Variants in FXR2 observed in about 807,000 individuals in gnomAD.
FXR2 encodes FMR1 autosomal homolog 2, also known as RNA-binding protein FXR2.
A neutral mutation model predicts 87.3 loss-of-function variants in FXR2; 9 were observed. The observed-to-expected ratio is 0.10, with a 90% CI of 0.06 to 0.18. The LOEUF is 0.18. FXR2 is among the 10% of genes least tolerant of loss of function. FXR2 has a pLI of 1.00. For synonymous variants in FXR2, 331 were observed against 328.3 expected (o/e 1.01, Z -0.09); for missense variants, 661 against 893.6 (o/e 0.74, Z 3.32).
In FXR2 at chr17:7,593,537, C is replaced by T. The variant is rs1414507495; in HGVS notation, c.1196G>A (p.Arg399Gln). 2.5e-6 allele frequency: 4 copies of T among 1,593,422 alleles called. No homozygotes were observed. Among genetic ancestry groups the T allele is most frequent in the African/African-American group, 2.7e-5 (2 of 74,614 alleles). ...GLGFRPPGSGRGSGGSDKAGY... is the reference protein window; with the variant it reads ...GLGFRPPGSGQGSGGSDKAGY... ...AGCCTTGTCGCTGCCACCGCTGCCC[C>T]GCCCACTCCCAGGAGGGCGAAAGCC... is the stretch of plus-strand genomic sequence containing the variant. Residue 399 changes from arginine (R) to glutamine (Q), a missense_variant, in exon 12 of 17, where the codon CGG becomes CAG. Coordinates refer to ENST00000250113, the MANE Select transcript of FXR2 (RefSeq NM_004860.4). This position sits in a 1 kb window ranked among gnomAD's most constrained non-coding sequence, Gnocchi z 6.1.
rs1381776656 is a variant in FXR2 at position 7,592,625 on chromosome 17, C to A, written c.1730-26G>T. 1 of 1,613,004 alleles carries A rather than the reference C, an allele frequency of 6.2e-7. No homozygotes were observed. Among genetic ancestry groups the A allele is most frequent in the African/African-American group, 1.3e-5 (1 of 74,832 alleles). ...CTGTAGGGTAGGAAAAAACCAGAGT[C>A]ACACATCCAACCTCCCACCCTCGAT... On this transcript the variant is annotated intron_variant, in intron 14 of 16. Coordinates refer to ENST00000250113, the MANE Select transcript of FXR2 (RefSeq NM_004860.4). The surrounding 1 kb of genome is among the most constrained non-coding windows in gnomAD (Gnocchi z 4.8).
rs1334226791 is a variant in FXR2 at position 7,593,379 on chromosome 17, C to G, written c.1330+24G>C. The G allele has an allele frequency of 6.5e-7, 1 of 1,527,500 alleles. No homozygotes were observed. The highest frequency in any genetic ancestry group is 8.9e-7 in the Non-Finnish European group (1 of 1,125,036). 94.6% of individuals were successfully genotyped at this position (1,527,500 alleles called of 1,614,324 possible). A position where few individuals can be genotyped will look rare whatever the true frequency, so the allele number is the denominator to read the frequency against. ...ACCCACAAGCCCTGCCACTCCTTGC[C>G]TCCTGTTCCCATAACTGTCTCACCA... is the stretch of plus-strand genomic sequence containing the variant. On this transcript the variant is annotated intron_variant, in intron 12 of 16. Coordinates refer to ENST00000250113, the MANE Select transcript of FXR2 (RefSeq NM_004860.4). The surrounding 1 kb of genome is among the most constrained non-coding windows in gnomAD (Gnocchi z 6.1).
At position 7,591,757 on chromosome 17, in the gene FXR2, C is replaced by A; in HGVS notation, c.*73G>T. The stretch of plus-strand genomic sequence containing the variant: ...AGATAAGAGCAGCTCCAGCGCAGGT[C>A]AGTTGGGCCTGTGAGGGCCATGGTG... On this transcript the variant is annotated 3_prime_UTR_variant, in exon 17 of 17. Transcript: ENST00000250113. This position sits in a 1 kb window ranked among gnomAD's most constrained non-coding sequence, Gnocchi z 4.0. 1 of 849,450 alleles carries A rather than the reference C, an allele frequency of 1.2e-6. No homozygotes were observed. Among genetic ancestry groups the A allele is most frequent in the Non-Finnish European group, 2.0e-6 (1 of 493,642 alleles). 52.6% of individuals were successfully genotyped at this position (849,450 alleles called of 1,614,324 possible).
chr17:7,603,678 G>T, intron 5 of FXR2, 79 bp downstream of exon 5: 1 of 1,401,230 alleles, frequency 7.1e-7, no homozygotes. Flanking sequence ...CTGCAAAGTG[G>T]GAGTGATGCC....
Position 7,595,874 on chromosome 17 carries a change from T to C in FXR2, c.781A>G (p.Thr261Ala). The change falls in exon 8 of 17, where the codon ACC (threonine) becomes GCC (alanine). Residue 261 changes from threonine to alanine, a missense_variant. By Grantham distance (58) the Thr-to-Ala change is moderately conservative. Around this residue, in one of 3 missense-constraint regions of FXR2, gnomAD observed 82 missense variants for 214.4 expected, o/e 0.38. Transcript: ENST00000250113. The surrounding 1 kb of genome is among the most constrained non-coding windows in gnomAD (Gnocchi z 4.7). ...IQQARKVPGV[T>A]AIELGEETCT... ...GTCTCTTCACCCAACTCAATGGCGG[T>C]CACCCCAGGTACTTTTCGGGCCTGC... The C allele has an allele frequency of 6.2e-7, 1 of 1,613,824 alleles. No homozygotes were observed. The highest frequency in any genetic ancestry group is 8.5e-7 in the Non-Finnish European group (1 of 1,179,846).
rs868233074 is a variant in FXR2, at chr17:7,593,414, C to T, written c.1319G>A (p.Gly440Asp). ...CATAACTGTCTCACCATAGGCAGGA[C>T]CGCCTGTCCTCCGGCCACGGCCACG... ...GGRGRGRRTG[G>D]PAYGPSSDVS... Residue 440 changes from glycine to aspartate, a missense_variant, in exon 12 of 17, where the codon GGT (glycine) becomes GAT (aspartate). Gly to Asp is a moderately conservative substitution (Grantham distance 94, BLOSUM62 -1). Coordinates refer to ENST00000250113, the MANE Select transcript of FXR2 (RefSeq NM_004860.4). This position sits in a 1 kb window ranked among gnomAD's most constrained non-coding sequence, Gnocchi z 6.1. The T allele has an allele frequency of 6.4e-7, 1 of 1,571,478 alleles. No homozygotes were observed. Among genetic ancestry groups the T allele is most frequent in the Non-Finnish European group, 8.6e-7 (1 of 1,158,558 alleles).
At chr17:7,601,384 A>G in intron 7 of FXR2, 25 bp downstream of exon 7, 1 of 1,202,814 alleles carries the variant, frequency 8.3e-7, no homozygotes, top group Non-Finnish European at 1.2e-6. Context: ...ACCCTTCAGC[A>G]GAAGGAAAAG....
In FXR2 at chr17:7,595,767, C is replaced by T. The variant is rs749701264; in HGVS notation, c.831+57G>A. On this transcript the variant is annotated intron_variant, in intron 8 of 16. Coordinates refer to ENST00000250113, the MANE Select transcript of FXR2 (RefSeq NM_004860.4). The surrounding 1 kb of genome is among the most constrained non-coding windows in gnomAD (Gnocchi z 4.7). ...CCAGTTTGAGGCTTATTTTCTACTT[C>T]GGCCTCTCTTCCCTCTATCCCCTAA... 13 of 1,415,406 alleles carry T rather than the reference C, an allele frequency of 9.2e-6. No individual in the cohort carries two copies. Among genetic ancestry groups the T allele is most frequent in the Middle Eastern group, 1.8e-4 (1 of 5,566 alleles). The allele number at this position is 1,415,406 out of a possible 1,614,324, so 87.7% of individuals were successfully genotyped here. A position where few individuals can be genotyped will look rare whatever the true frequency, so the allele number is the denominator to read the frequency against.
rs1464000844 is a variant in FXR2, at chr17:7,595,205, A to G, written c.832-448T>C. On this transcript the variant is annotated intron_variant, in intron 8 of 16. Coordinates refer to ENST00000250113, the MANE Select transcript of FXR2 (RefSeq NM_004860.4). This position sits in a 1 kb window ranked among gnomAD's most constrained non-coding sequence, Gnocchi z 4.7. ...AGCGGCTCACACCCATAATCTCAACAGTTTCGGAGGCTAAGAAGGGAGGAT... is the reference window on the plus strand; with the variant it reads ...AGCGGCTCACACCCATAATCTCAACGGTTTCGGAGGCTAAGAAGGGAGGAT... 6.6e-6 allele frequency among the ~76,000 whole-genome samples: 1 copy of G among 151,960 alleles called. No homozygotes were observed. Among genetic ancestry groups the G allele is most frequent in the East Asian group, 1.9e-4 (1 of 5,194 alleles).
Position 7,604,144 on chromosome 17 carries a change from A to G in FXR2, c.229-64T>C, listed in dbSNP as rs575633336. On this transcript the variant is annotated intron_variant, in intron 3 of 16. Transcript: ENST00000250113. ...ACCCAAAAGCATCAAGAAAGGGATGAGGAGGCCGGGCATGGTGGGGCTCAC... is the reference window on the plus strand; with the variant it reads ...ACCCAAAAGCATCAAGAAAGGGATGGGGAGGCCGGGCATGGTGGGGCTCAC... 1.4e-5 allele frequency: 18 copies of G among 1,270,724 alleles called. No homozygotes were observed. In the Admixed American group the frequency reaches 2.4e-4, roughly 17 times the overall value. The allele number at this position is 1,270,724 out of a possible 1,614,324, so 78.7% of individuals were successfully genotyped here.
In FXR2 at chr17:7,591,933, G is replaced by T; in HGVS notation, c.1927-8C>A. On this transcript the variant is annotated splice_polypyrimidine_tract_variant and splice_region_variant and intron_variant, in intron 16 of 16. Coordinates refer to ENST00000250113, the MANE Select transcript of FXR2 (RefSeq NM_004860.4). This position sits in a 1 kb window ranked among gnomAD's most constrained non-coding sequence, Gnocchi z 4.0. ...CTTGCTGACAGAGTCACCCTGAGGGGAAAGTGGGAAAGAAAACAGAAAAGC... is the reference window on the plus strand; with the variant it reads ...CTTGCTGACAGAGTCACCCTGAGGGTAAAGTGGGAAAGAAAACAGAAAAGC... 1.3e-6 allele frequency: 2 copies of T among 1,507,448 alleles called. No individual in the cohort carries two copies. The highest frequency in any genetic ancestry group is 1.1e-5 in the South Asian group (1 of 88,220). 93.4% of individuals were successfully genotyped at this position (1,507,448 alleles called of 1,614,324 possible).
intron 5 of FXR2, among the ~76,000 whole-genome samples, chr17:7,603,483 T>C (rs1276744788): frequency 6.9e-6 from 1 of 144,184 alleles, no homozygotes; most frequent in Non-Finnish European, 1.5e-5. Flanking sequence ...GCCGAGATTG[T>C]GCCACTGCAC....
rs752466049 is a variant in FXR2, at chr17:7,593,672, T to C, written c.1108-47A>G. 9.8e-5 allele frequency: 128 copies of C among 1,312,502 alleles called. No homozygotes were observed. The highest frequency in any genetic ancestry group is 3.1e-4 in the Admixed American group (16 of 50,874). 81.3% of individuals were successfully genotyped at this position (1,312,502 alleles called of 1,614,324 possible). A position where few individuals can be genotyped will look rare whatever the true frequency, so the allele number is the denominator to read the frequency against. ...GAAGGGGAAGGAGAAATAAGATCAG[T>C]GCCTTGCTTCATGCTTCTGCACCCT... On this transcript the variant is annotated intron_variant, in intron 11 of 16. Transcript: ENST00000250113. The surrounding 1 kb of genome is among the most constrained non-coding windows in gnomAD (Gnocchi z 6.1).
Position 7,593,949 on chromosome 17 carries a change from G to A in FXR2, c.1076C>T (p.Ala359Val). 1 of 1,611,496 alleles carries A rather than the reference G, an allele frequency of 6.2e-7. No individual in the cohort carries two copies. Among genetic ancestry groups the A allele is most frequent in the Non-Finnish European group, 8.5e-7 (1 of 1,177,670 alleles). Residue 359 changes from alanine (A) to valine (V), a missense_variant, in exon 11 of 17, where the codon GCT becomes GTT. Around this residue, in one of 3 missense-constraint regions of FXR2, gnomAD observed 82 missense variants for 214.4 expected, o/e 0.38. Coordinates refer to ENST00000250113, the MANE Select transcript of FXR2 (RefSeq NM_004860.4). The surrounding 1 kb of genome is among the most constrained non-coding windows in gnomAD (Gnocchi z 6.1). Reference sequence around the variant, plus strand: ...GTAGGAGAGGTGATACTCCAGCAAAGCCTGGGCATTGCTGATGTTCTCTCG... The same window carrying A: ...GTAGGAGAGGTGATACTCCAGCAAAACCTGGGCATTGCTGATGTTCTCTCG... ...GTRENISNAQ[A>V]LLEYHLSYLQ...
chr17:7,603,531 A>G (rs1486801358), intron 5 of FXR2, among the ~76,000 whole-genome samples: 8 of 147,858 alleles, frequency 5.4e-5, no homozygotes, highest in African/African-American at 2.0e-4. Context: ...CTGTCTCCAA[A>G]AAAAAAAAAA....
chr17:7,614,394 T>C, intron 1 of FXR2, 58 bp downstream of exon 1: 2 of 1,285,244 alleles, frequency 1.6e-6, no homozygotes, highest in Non-Finnish European at 2.1e-6. Flanking sequence ...CACGCGTTCC[T>C]GCTCCGGCCA....
chr17:7,601,789 T>A (rs2071758461), intron 6 of FXR2, among the ~76,000 whole-genome samples: 1 of 151,814 alleles, frequency 6.6e-6, no homozygotes, highest in Non-Finnish European at 1.5e-5. Context: ...TAGCTGGGCG[T>A]GGTGGCACAT....
At chr17:7,604,657 C>T (rs559033233) in intron 3 of FXR2, among the ~76,000 whole-genome samples, 264 of 149,968 alleles carry the variant, frequency 1.8e-3, no homozygotes, top group Non-Finnish European at 2.5e-3. Context: ...CGCCACTGCA[C>T]TCCAGCTTGG....
intron 1 of FXR2, among the ~76,000 whole-genome samples, chr17:7,611,248 C>T (rs1001142035): frequency 6.6e-6 from 1 of 151,970 alleles, no homozygotes; most frequent in Non-Finnish European, 1.5e-5. Context: ...CCTCCCTCAA[C>T]CCTTGTTACG....
Sources: allele counts gnomAD v4.1 joint callset (sites outside exome capture counted in the v4.1 genomes callset), GRCh38; gene constraint gnomAD v4.1.1; regional missense constraint gnomAD v4.1.1; non-coding constraint Gnocchi (gnomAD v3.1); transcripts MANE v1.5; gene names NCBI Gene and HGNC (gene_info 2026-07-23, HGNC 2026-07-21).